The following GCNT1 variants were observed in gnomAD, a reference collection of about 807,000 sequenced individuals.
GCNT1 encodes glucosaminyl (N-acetyl) transferase 1, also known as beta-1,3-galactosyl-O-glycosyl-glycoprotein beta-1,6-N-acetylglucosaminyltransferase.
A neutral mutation model predicts 26.2 loss-of-function variants in GCNT1; 16 were observed. That is an observed-to-expected ratio of 0.61 (90% CI 0.41 to 0.93). The LOEUF (loss-of-function observed/expected upper bound fraction) is 0.93, where lower values mean the gene tolerates loss of function less well. Ranked by LOEUF, GCNT1 falls within the 40% of genes least tolerant of loss-of-function variation. The pLI, the probability that GCNT1 is intolerant of heterozygous loss-of-function variation, is 0.00. For synonymous variants in GCNT1, 183 were observed against 190.8 expected (o/e 0.96, Z 0.34); for missense variants, 477 against 526.7 (o/e 0.91, Z 0.92).
intron 1 of GCNT1, among the ~76,000 whole-genome samples, chr9:76,420,970 T>C (rs1251051349): frequency 2.0e-5 from 3 of 147,826 alleles, no homozygotes; most frequent in Non-Finnish European, 4.5e-5. Flanking sequence ...AAGAATCCAC[T>C]ATGAAAGGAA....
In GCNT1 at chr9:76,503,731, C is replaced by A; in HGVS notation, c.*63C>A. 1.5e-6 allele frequency: 2 copies of A among 1,334,752 alleles called. No homozygotes were observed. Among genetic ancestry groups the A allele is most frequent in the Non-Finnish European group, 2.1e-6 (2 of 933,896 alleles). 82.7% of individuals were successfully genotyped at this position (1,334,752 alleles called of 1,614,324 possible). A position where few individuals can be genotyped will look rare whatever the true frequency, so the allele number is the denominator to read the frequency against. ...ACAAAACGTACCCTTATCTGTTTCC[C>A]CTTCCTTGTCAGCATCGGGAAGATG... On this transcript the variant is annotated 3_prime_UTR_variant, in exon 4 of 4. Coordinates refer to ENST00000376730, the MANE Select transcript of GCNT1 (RefSeq NM_001490.5).
At position 76,507,223 on chromosome 9, in the gene GCNT1, A is replaced by G. The variant is rs1825261878; in HGVS notation, c.*3555A>G. The G allele has an allele frequency of 1.2e-5, 2 of 167,072 alleles. No individual in the cohort carries two copies. Among genetic ancestry groups the G allele is most frequent in the Non-Finnish European group, 2.9e-5 (2 of 68,122 alleles). The allele number at this position is 167,072 out of a possible 1,614,324, so 10.3% of individuals were successfully genotyped here. ...TCTACTGAATGCATATCACTTGTGC[A>G]CTGTTGTAAAGCTGAAAAACCGTTA... On this transcript the variant is annotated 3_prime_UTR_variant, in exon 4 of 4. Transcript: ENST00000376730.
intron 2 of GCNT1, among the ~76,000 whole-genome samples, chr9:76,479,126 C>A (rs944648371): frequency 1.3e-5 from 2 of 151,762 alleles, no homozygotes; most frequent in African/African-American, 4.8e-5. Flanking sequence ...TTTGTCCTTG[C>A]GATAGTTTGC....
At chr9:76,428,157 T>G (rs1389426167) in intron 1 of GCNT1, among the ~76,000 whole-genome samples, 1 of 151,120 alleles carries the variant, frequency 6.6e-6, no homozygotes, top group East Asian at 2.0e-4. Context: ...TCCCAGCTAC[T>G]CAGGAGGCTG....
intron 2 of GCNT1, among the ~76,000 whole-genome samples, chr9:76,462,522 G>A (rs978399822): frequency 6.6e-6 from 1 of 152,168 alleles, no homozygotes; most frequent in African/African-American, 2.4e-5. Flanking sequence ...AAATGCCAGT[G>A]CACCCTCCCT....
chr9:76,418,033 G>A (rs150069660), upstream of GCNT1, among the ~76,000 whole-genome samples: 188 of 152,248 alleles, frequency 1.2e-3, 1 homozygote, highest in African/African-American at 4.2e-3. Flanking sequence ...AAGGTGGTCG[G>A]GGTACAGCCT....
chr9:76,432,394 A>G (rs1358391455), intron 1 of GCNT1, among the ~76,000 whole-genome samples: 1 of 151,978 alleles, frequency 6.6e-6, no homozygotes, highest in East Asian at 1.9e-4. Flanking sequence ...CCAGGCTCAA[A>G]TGCAGTGGTG....
At chr9:76,433,100 C>T (rs576658815) in intron 1 of GCNT1, among the ~76,000 whole-genome samples, 2 of 152,276 alleles carry the variant, frequency 1.3e-5, no homozygotes, top group South Asian at 2.1e-4. Flanking sequence ...CTCAATAAAA[C>T]TCTTCTCTGC....
chr9:76,502,307 A>G lies in GCNT1; in HGVS notation c.-75A>G. 1 of 1,037,578 alleles carries G rather than the reference A, an allele frequency of 9.6e-7. No homozygotes were observed. The highest frequency in any genetic ancestry group is 1.4e-6 in the Non-Finnish European group (1 of 697,532). The allele number at this position is 1,037,578 out of a possible 1,614,324, so 64.3% of individuals were successfully genotyped here. ...CAAACTGACAACCTTCAAGGCCACG[A>G]CGGAGGGAAAATCATTGGTGCTTGG... On this transcript the variant is annotated 5_prime_UTR_variant, in exon 4 of 4. Transcript: ENST00000376730.
intron 1 of GCNT1, among the ~76,000 whole-genome samples, chr9:76,445,340 A>G (rs1823557901): frequency 1.3e-5 from 2 of 152,100 alleles, no homozygotes; most frequent in South Asian, 2.1e-4. Context: ...TACCTTACAC[A>G]TGAGAGCAAT....
intron 1 of GCNT1, among the ~76,000 whole-genome samples, chr9:76,447,658 C>T (rs1823598852): frequency 6.6e-6 from 1 of 152,172 alleles, no homozygotes; most frequent in South Asian, 2.1e-4. Flanking sequence ...TGCACACTAC[C>T]ACCAGAGGGG....
intron 2 of GCNT1, among the ~76,000 whole-genome samples, chr9:76,484,804 T>TTC (rs1824523350): frequency 4.0e-5 from 6 of 150,362 alleles, no homozygotes; most frequent in Admixed American, 3.3e-4. Flanking sequence ...TTTTTTTTTT[T>TTC]CTGAGATGGA....
chr9:76,497,067 C>T lies in GCNT1; in HGVS notation c.-289-3849C>T, dbSNP rs1299198578. Reference sequence around the variant, plus strand: ...TTTGTCATTTAGAATGTTTCTTACTCTTCTGTAGTTGTCCTCACTGGCAAA... The same window carrying T: ...TTTGTCATTTAGAATGTTTCTTACTTTTCTGTAGTTGTCCTCACTGGCAAA... On this transcript the variant is annotated intron_variant, in intron 2 of 3. Coordinates refer to ENST00000376730, the MANE Select transcript of GCNT1 (RefSeq NM_001490.5). Among the ~76,000 whole-genome samples the T allele has an allele frequency of 2.6e-5, 4 of 152,184 alleles. No homozygotes were observed. The East Asian group carries it at 5.8e-4, about 22-fold the overall frequency.
chr9:76,484,369 TAAA>T (rs538164343), intron 2 of GCNT1, among the ~76,000 whole-genome samples: 2 of 139,756 alleles, frequency 1.4e-5, no homozygotes, highest in African/African-American at 2.6e-5. Context: ...GACCCTGTCT[TAAA>T]AAAAAAAAAA....
At chr9:76,495,620 G>C (rs1045623760) in intron 2 of GCNT1, among the ~76,000 whole-genome samples, 1 of 152,088 alleles carries the variant, frequency 6.6e-6, no homozygotes. Context: ...ATGCTGATTG[G>C]TACATTTACG....
intron 1 of GCNT1, among the ~76,000 whole-genome samples, chr9:76,449,316 A>C (rs979528218): frequency 6.6e-5 from 10 of 152,126 alleles, no homozygotes; most frequent in East Asian, 1.9e-4. Flanking sequence ...AAACAACAAA[A>C]AAAAAAACAA....
intron 1 of GCNT1, among the ~76,000 whole-genome samples, chr9:76,427,780 A>G (rs1421194229): frequency 6.6e-6 from 1 of 152,204 alleles, no homozygotes; most frequent in East Asian, 1.9e-4. Flanking sequence ...TGAGGCCAGG[A>G]GTTCGAGACC....
the GCNT1 span, among the ~76,000 whole-genome samples, chr9:76,414,299 A>C: frequency 2.6e-5 from 4 of 152,168 alleles, no homozygotes; most frequent in African/African-American, 9.7e-5. Context: ...CAAAACAACA[A>C]AAAGTACACC....
chr9:76,399,588 C>G, the GCNT1 span: 2 of 1,206,692 alleles, frequency 1.7e-6, no homozygotes, highest in East Asian at 2.3e-5. Flanking sequence ...TGGTCTTAAG[C>G]TGTTCTTGCA....
Sources: allele counts gnomAD v4.1 joint callset (sites outside exome capture counted in the v4.1 genomes callset), GRCh38; gene constraint gnomAD v4.1.1; transcripts MANE v1.5; gene names NCBI Gene and HGNC (gene_info 2026-07-23, HGNC 2026-07-21).